Variants in C3orf22 observed in about 807,000 individuals in gnomAD.
The protein encoded by C3orf22 is chromosome 3 open reading frame 22, also known as uncharacterized protein C3orf22.
In C3orf22, 7 loss-of-function variants were observed where a neutral mutation model predicts 10.8. That is an observed-to-expected ratio of 0.65 (90% CI 0.37 to 1.22). The LOEUF (loss-of-function observed/expected upper bound fraction) is 1.22. Among genes scored for constraint, C3orf22 ranks in the 50% most tolerant of loss-of-function variants. The pLI, the probability that C3orf22 is intolerant of heterozygous loss-of-function variation, is 0.02. For synonymous variants in C3orf22, 79 were observed against 78.9 expected (o/e 1.00, Z 0.00); for missense variants, 173 against 177.0 (o/e 0.98, Z 0.13).
chr3:126,543,210 G>A (rs1394653716), intron 4 of C3orf22: 2 of 152,302 alleles, frequency 1.3e-5, no homozygotes, highest in East Asian at 3.8e-4. Flanking sequence ...AGCCCCTGGT[G>A]CAATGCGGTC....
chr3:126,540,026 C>G, intron 4 of C3orf22, among the ~76,000 whole-genome samples: 1 of 149,344 alleles, frequency 6.7e-6, no homozygotes, highest in Non-Finnish European at 1.5e-5. Context: ...ATGCCACACA[C>G]ACGCACACCA....
At chr3:126,542,002 C>T (rs1021589837) in intron 4 of C3orf22, 11 of 1,561,434 alleles carry the variant, frequency 7.0e-6, no homozygotes, top group South Asian at 1.2e-5. Context: ...GCCGCCTGCC[C>T]TCACTGGCCG....
intron 1 of C3orf22, 113 bp from the exon 2 acceptor site, chr3:126,553,543 C>T: frequency 1.4e-6 from 1 of 691,530 alleles, no homozygotes; most frequent in East Asian, 2.5e-5. Context: ...TGACCTGCAT[C>T]ACTGCCCTGT....
downstream of C3orf22, among the ~76,000 whole-genome samples, chr3:126,546,318 A>G (rs1377801400): frequency 6.6e-6 from 1 of 152,196 alleles, no homozygotes; most frequent in Non-Finnish European, 1.5e-5. Flanking sequence ...ACATTGAGAC[A>G]CAATCTGCAT....
At chr3:126,547,936 A>G (rs898533832), downstream of C3orf22, among the ~76,000 whole-genome samples, 1 of 152,224 alleles carries the variant, frequency 6.6e-6, no homozygotes, top group African/African-American at 2.4e-5. Context: ...CTACAGCAGT[A>G]GCATCATCAT....
At chr3:126,531,657 T>C (rs1314637113) in intron 4 of C3orf22, among the ~76,000 whole-genome samples, 3 of 152,256 alleles carry the variant, frequency 2.0e-5, no homozygotes, top group Non-Finnish European at 4.4e-5. Context: ...ATTCCTTTTA[T>C]GGCCAATTAA....
downstream of C3orf22, among the ~76,000 whole-genome samples, chr3:126,548,637 G>A (rs769573982): frequency 1.3e-5 from 2 of 152,190 alleles, no homozygotes; most frequent in African/African-American, 2.4e-5. Context: ...CAAATGCTGT[G>A]AGTCCCCTGC....
intron 1 of C3orf22, 28 bp from the exon 2 acceptor site, chr3:126,553,458 G>C (rs1937252859): frequency 7.3e-7 from 1 of 1,378,550 alleles, no homozygotes; most frequent in African/African-American, 1.4e-5. Context: ...GCGTCAGAGG[G>C]GGCAGGGGTG....
intron 1 of C3orf22, among the ~76,000 whole-genome samples, chr3:126,558,357 A>G (rs1293936756): frequency 6.6e-6 from 1 of 152,134 alleles, no homozygotes; most frequent in East Asian, 1.9e-4. Flanking sequence ...GGGAAGCAGC[A>G]TTACCACAGG....
At chr3:126,548,754 T>C (rs1937112517), downstream of C3orf22, among the ~76,000 whole-genome samples, 1 of 152,234 alleles carries the variant, frequency 6.6e-6, no homozygotes, top group Admixed American at 6.5e-5. Context: ...CTCCAGGGTC[T>C]GCTTCGTGCA....
chr3:126,537,914 C>G (rs764860112), intron 4 of C3orf22, among the ~76,000 whole-genome samples: 4 of 152,210 alleles, frequency 2.6e-5, no homozygotes, highest in Non-Finnish European at 5.9e-5. Context: ...CACAGAGCTT[C>G]TATGGACTAG....
intron 5 of C3orf22, chr3:126,529,001 C>T: frequency 8.9e-6 from 3 of 337,456 alleles, no homozygotes; most frequent in South Asian, 4.4e-5. Context: ...GCCTGGCTGC[C>T]CTGCTTATCT....
At chr3:126,545,706 CA>C (rs1041810156), downstream of C3orf22, among the ~76,000 whole-genome samples, 1 of 152,212 alleles carries the variant, frequency 6.6e-6, no homozygotes, top group African/African-American at 2.4e-5. Flanking sequence ...TCCAAGGGGT[CA>C]GTGGGCCCAG....
chr3:126,539,202 C>G (rs1873394), intron 4 of C3orf22, among the ~76,000 whole-genome samples: 1 of 152,016 alleles, frequency 6.6e-6, no homozygotes, highest in African/African-American at 2.4e-5. Context: ...GGGATGACTG[C>G]GAAGCCAGTC....
intron 2 of C3orf22, among the ~76,000 whole-genome samples, 154 bp downstream of exon 2, chr3:126,553,148 C>T (rs1937239162): frequency 6.6e-6 from 1 of 152,166 alleles, no homozygotes; most frequent in African/African-American, 2.4e-5. Flanking sequence ...GAAGGCGGAC[C>T]CCAGACTGTC....
chr3:126,542,882 C>A, intron 4 of C3orf22: 1 of 269,502 alleles, frequency 3.7e-6, no homozygotes, highest in Non-Finnish European at 6.9e-6. Context: ...GGGTTTTAGG[C>A]TTTTAAAGGC....
chr3:126,552,095 A>C lies in C3orf22; in HGVS notation c.117T>G (p.Pro39=). 2 of 1,613,916 alleles carry C rather than the reference A, an allele frequency of 1.2e-6. No homozygotes were observed. Among genetic ancestry groups the C allele is most frequent in the Non-Finnish European group, 1.7e-6 (2 of 1,179,936 alleles). The change falls in exon 3 of 4, where the codon CCT becomes CCG. Residue 39 remains proline (P), a synonymous_variant. Coordinates refer to ENST00000318225, the MANE Select transcript of C3orf22 (RefSeq NM_152533.3). ...TGACCTCCCAGGGCTGCAGGGGCTC[A>C]GGGTCGGGCTCTGTCAGCCACGACA... ...YRLSWLTEPD[P]EPLQPWEVTN...
In C3orf22 at chr3:126,532,151, G is replaced by A. The variant is rs116020196; in HGVS notation, c.287-2779C>T. Among the ~76,000 whole-genome samples the A allele has an allele frequency of 4.1e-3, 630 of 152,260 alleles. 3 individuals are homozygous for A. Among genetic ancestry groups the A allele is most frequent in the African/African-American group, 0.013 (548 of 41,538 alleles). Reference sequence around the variant, plus strand: ...GTTCCATTGTAAGAGTTCTCCATACGTTGTGGGTACTAGTTCCTTACCAGA... The same window carrying A: ...GTTCCATTGTAAGAGTTCTCCATACATTGTGGGTACTAGTTCCTTACCAGA... On this transcript the variant is annotated intron_variant and NMD_transcript_variant, in intron 4 of 5. Transcript: ENST00000505070.
downstream of C3orf22, among the ~76,000 whole-genome samples, chr3:126,548,667 T>C (rs1238159558): frequency 2.2e-4 from 33 of 152,134 alleles, no homozygotes; most frequent in Admixed American, 2.2e-3. Flanking sequence ...GGGTCCCACC[T>C]GGGGAGGGAG....
Sources: allele counts gnomAD v4.1 joint callset (sites outside exome capture counted in the v4.1 genomes callset), GRCh38; gene constraint gnomAD v4.1.1; transcripts MANE v1.5; gene names NCBI Gene and HGNC (gene_info 2026-07-23, HGNC 2026-07-21).